The following PPIP5K1 variants were observed in gnomAD, a reference collection of about 807,000 sequenced individuals.
The protein encoded by PPIP5K1 is diphosphoinositol pentakisphosphate kinase 1.
In PPIP5K1, 6 loss-of-function variants were observed where a neutral mutation model predicts 27.7. That is an observed-to-expected ratio of 0.22 (90% CI 0.12 to 0.43). The LOEUF is 0.43. PPIP5K1 is among the 20% of genes least tolerant of loss of function. The pLI is 1.00. For missense variants in PPIP5K1, 394 were observed against 635.4 expected (o/e 0.62, Z 4.08); for synonymous variants, 145 against 242.6 (o/e 0.60, Z 3.74).
Position 43,558,841 on chromosome 15 carries a change from A to C in PPIP5K1, c.3510T>G (p.Ser1170Arg). The C allele has an allele frequency of 6.2e-7, 1 of 1,614,058 alleles. No homozygotes were observed. Among genetic ancestry groups the C allele is most frequent in the Admixed American group, 1.7e-5 (1 of 60,024 alleles). Residue 1170 changes from serine (S) to arginine (R), a missense_variant, in exon 30 of 32, where the codon AGT (serine) becomes AGG (arginine). This residue lies in a region of PPIP5K1 where 379 missense variants were observed against 423.9 expected (regional missense o/e 0.89). Coordinates refer to ENST00000420765, the MANE Select transcript of PPIP5K1 (RefSeq NM_001394395.1). ...CATCAGTGTGGCGCTGGCAGACTCT[A>C]CTCAAGAATTCACTCACTTGACGTA... The part of the protein sequence containing the change: ...LSLRQVSEFL[S>R]RVCQRHTDAQ...
rs1305401450 is a variant in PPIP5K1 at position 43,534,718 on chromosome 15, C to T, written c.4429G>A (p.Glu1477Lys). Reference sequence around the variant, plus strand: ...ACCTCCTGGGCCTGCAGATCAATCTCCTCAGGGAACTCTTGGGATGGTTTA... The same window carrying T: ...ACCTCCTGGGCCTGCAGATCAATCTTCTCAGGGAACTCTTGGGATGGTTTA... The part of the protein sequence containing the change: ...IDKPSQEFPE[E>K]IDLQAQEVPE... The change falls in exon 32 of 32, where the codon GAG (glutamate) becomes AAG (lysine). Residue 1477 changes from glutamate (E) to lysine (K), a missense_variant. Transcript: ENST00000420765. 6.5e-7 allele frequency: 1 copy of T among 1,537,552 alleles called. No homozygotes were observed. Among genetic ancestry groups the T allele is most frequent in the Non-Finnish European group, 8.7e-7 (1 of 1,145,826 alleles).
At chr15:43,557,357 A>G (rs565305039) in intron 30 of PPIP5K1, among the ~76,000 whole-genome samples, 2 of 152,238 alleles carry the variant, frequency 1.3e-5, no homozygotes, top group South Asian at 4.1e-4. Context: ...TGAGGCAGGG[A>G]GAACTGCTTG....
chr15:43,548,392 C>A (rs548707284), intron 30 of PPIP5K1: 1 of 151,476 alleles, frequency 6.6e-6, no homozygotes, highest in South Asian at 2.1e-4. Context: ...CAGGCATGAG[C>A]CACCACACCC....
chr15:43,579,366 T>G (rs2084660114), intron 10 of PPIP5K1, among the ~76,000 whole-genome samples: 1 of 79,336 alleles, frequency 1.3e-5, no homozygotes, highest in Non-Finnish European at 2.0e-5. Flanking sequence ...GAGGAGTACA[T>G]AGGGGCTTCG....
chr15:43,551,606 G>GTTCTTTTTTTTT (rs1555429449), intron 30 of PPIP5K1, among the ~76,000 whole-genome samples: 1 of 105,462 alleles, frequency 9.5e-6, no homozygotes, highest in African/African-American at 5.2e-5. Flanking sequence ...TCTTGATTCA[G>GTTCTTTTTTTTT]TTTTTTTTTT....
intron 30 of PPIP5K1, among the ~76,000 whole-genome samples, chr15:43,548,093 C>A (rs1409156209): frequency 6.6e-6 from 1 of 151,868 alleles, no homozygotes; most frequent in Non-Finnish European, 1.5e-5. Flanking sequence ...CATGCATCAC[C>A]ACACCCAGCT....
intron 30 of PPIP5K1, among the ~76,000 whole-genome samples, chr15:43,547,052 C>T (rs984920809): frequency 6.8e-6 from 1 of 146,718 alleles, no homozygotes; most frequent in African/African-American, 2.5e-5. Context: ...AGTTTGTCCA[C>T]ATCCTAACTA....
chr15:43,550,335 A>G (rs533372513), intron 30 of PPIP5K1, among the ~76,000 whole-genome samples: 7 of 151,672 alleles, frequency 4.6e-5, no homozygotes, highest in African/African-American at 1.5e-4. Flanking sequence ...TTGTAGAGAG[A>G]GTGTCTCCCT....
intron 30 of PPIP5K1, 56 bp from the exon 31 acceptor site, chr15:43,539,639 A>C: frequency 1.8e-6 from 2 of 1,124,926 alleles, no homozygotes; most frequent in Non-Finnish European, 2.6e-6. Context: ...ATGAGGAAGA[A>C]TCCAGGAGCC....
chr15:43,554,017 C>T (rs984276389), intron 30 of PPIP5K1, among the ~76,000 whole-genome samples: 4 of 152,154 alleles, frequency 2.6e-5, no homozygotes, highest in Admixed American at 2.0e-4. Flanking sequence ...CACAGTGGCT[C>T]ATGCCTGCAA....
At chr15:43,558,670 T>A in intron 30 of PPIP5K1, 125 bp downstream of exon 30, 1 of 1,345,272 alleles carries the variant, frequency 7.4e-7, no homozygotes, top group South Asian at 1.4e-5. Context: ...AATTATACAT[T>A]TTTAAGTGTA....
At chr15:43,539,040 G>A (rs947838397) in intron 31 of PPIP5K1, among the ~76,000 whole-genome samples, 4 of 151,832 alleles carry the variant, frequency 2.6e-5, no homozygotes, top group Admixed American at 6.6e-5. Context: ...GAGAAACCCC[G>A]TCTCTACTAA....
chr15:43,537,909 T>A (rs1366690205), intron 31 of PPIP5K1, among the ~76,000 whole-genome samples: 1 of 149,776 alleles, frequency 6.7e-6, no homozygotes, highest in Non-Finnish European at 1.5e-5. Context: ...TTTACCCAAG[T>A]AAAGAAGTAG....
chr15:43,542,915 A>T (rs1226835776), intron 30 of PPIP5K1, among the ~76,000 whole-genome samples: 1 of 152,092 alleles, frequency 6.6e-6, no homozygotes, highest in East Asian at 1.9e-4. Context: ...CCTAGGCTCA[A>T]GCGATACTCC....
At chr15:43,546,441 T>C (rs2081375969) in intron 30 of PPIP5K1, among the ~76,000 whole-genome samples, 1 of 152,102 alleles carries the variant, frequency 6.6e-6, no homozygotes, top group South Asian at 2.1e-4. Context: ...AGACTACAGG[T>C]GCACACCACC....
chr15:43,543,746 C>T (rs910423717), intron 30 of PPIP5K1, among the ~76,000 whole-genome samples: 32 of 151,394 alleles, frequency 2.1e-4, no homozygotes, highest in African/African-American at 7.5e-4. Context: ...TGAAAATCCT[C>T]GTTCCTAATA....
At chr15:43,536,956 A>G (rs1418140608) in intron 31 of PPIP5K1, among the ~76,000 whole-genome samples, 1 of 152,172 alleles carries the variant, frequency 6.6e-6, no homozygotes, top group African/African-American at 2.4e-5. Flanking sequence ...CATTGAAGAA[A>G]ACCTTGAAAA....
intron 29 of PPIP5K1, among the ~76,000 whole-genome samples, chr15:43,559,987 G>A (rs2083574257): frequency 6.6e-6 from 1 of 151,872 alleles, no homozygotes; most frequent in African/African-American, 2.4e-5. Context: ...TTGCCCCAAG[G>A]ATACAATTGA....
At chr15:43,551,977 A>AT (rs35153209) in intron 30 of PPIP5K1, among the ~76,000 whole-genome samples, 61,306 of 144,706 alleles carry the variant, frequency 0.42, 15,413 homozygotes, top group African/African-American at 0.72. Flanking sequence ...TTGATTTCAG[A>AT]TTTTTTTTTT....
Sources: allele counts gnomAD v4.1 joint callset (sites outside exome capture counted in the v4.1 genomes callset), GRCh38; gene constraint gnomAD v4.1.1; regional missense constraint gnomAD v4.1.1; transcripts MANE v1.5; gene names NCBI Gene and HGNC (gene_info 2026-07-23, HGNC 2026-07-21).